The following KLC4 variants were observed in gnomAD, a reference collection of about 807,000 sequenced individuals.
KLC4 encodes kinesin-like protein 8.
Under a neutral mutation model 77.2 loss-of-function variants are expected in KLC4, and 49 were observed. The ratio of observed to expected loss-of-function variants is 0.63; its 90% CI spans 0.50 to 0.80. The LOEUF is 0.80. Ranked by LOEUF, KLC4 falls within the 30% of genes least tolerant of loss-of-function variation. The pLI is 0.00. For missense variants in KLC4, 669 were observed against 793.5 expected (o/e 0.84, Z 1.89); for synonymous variants, 274 against 314.5 (o/e 0.87, Z 1.36).
chr6:43,073,185 G>T, intron 13 of KLC4, 38 bp from the exon 14 acceptor site: 2 of 1,549,992 alleles, frequency 1.3e-6, no homozygotes, highest in South Asian at 2.2e-5. Context: ...ATCTGTGTGG[G>T]ATCCTTGTAG....
rs753726369 is a variant in KLC4, at chr6:43,072,214, GCTGAGA to G, written c.1449_1454del (p.Glu484_Thr485del). 3 of 1,614,020 alleles carry G rather than the reference GCTGAGA, an allele frequency of 1.9e-6. No individual in the cohort carries two copies. Among genetic ancestry groups the G allele is most frequent in the Admixed American group, 3.3e-5 (2 of 60,004 alleles). On this transcript the variant is annotated inframe_deletion, in exon 12 of 16. Transcript: ENST00000347162. The stretch of plus-strand genomic sequence containing the variant: ...TAGGCGCCAGGGAAAGCTGGAGGCT[GCTGAGA>G]CCCTGGAGGAATGTGCCCTGCGGTC...
chr6:43,065,839 C>T lies in KLC4; in HGVS notation c.571+138C>T, dbSNP rs1453197702. The T allele has an allele frequency of 1.6e-6, 1 of 634,942 alleles. No homozygotes were observed. Among genetic ancestry groups the T allele is most frequent in the African/African-American group, 1.8e-5 (1 of 54,732 alleles). 39.3% of individuals were successfully genotyped at this position (634,942 alleles called of 1,614,324 possible). On this transcript the variant is annotated intron_variant, in intron 4 of 15. Transcript: ENST00000347162. ...CTCTGGAGACAGGGCAGGGGCTGGGCTAGTACTTCGATTTCCTCAGCCTCC... is the reference window on the plus strand; with the variant it reads ...CTCTGGAGACAGGGCAGGGGCTGGGTTAGTACTTCGATTTCCTCAGCCTCC...
At chr6:43,070,905 G>A (rs115400018) in intron 8 of KLC4, 40 bp downstream of exon 8, 3 of 783,024 alleles carry the variant, frequency 3.8e-6, no homozygotes, top group South Asian at 3.4e-5. Flanking sequence ...GAAACGGAGA[G>A]GGGGGCACAG....
intron 4 of KLC4, 99 bp downstream of exon 4, chr6:43,065,800 A>G: frequency 1.3e-6 from 1 of 792,440 alleles, no homozygotes; most frequent in Non-Finnish European, 2.1e-6. Context: ...ATCTAGAAAT[A>G]GGTTCTCCAC....
At chr6:43,069,734 G>T (rs932729773) in intron 6 of KLC4, among the ~76,000 whole-genome samples, 1 of 152,032 alleles carries the variant, frequency 6.6e-6, no homozygotes, top group Non-Finnish European at 1.5e-5. Flanking sequence ...TTTTAGTAGA[G>T]ACGGGGTTTC....
intron 6 of KLC4, among the ~76,000 whole-genome samples, chr6:43,068,827 G>A (rs1765588082): frequency 6.6e-6 from 1 of 151,268 alleles, no homozygotes; most frequent in African/African-American, 2.4e-5. Flanking sequence ...ATAAGAAGCG[G>A]CCCAGCGCTG....
intron 3 of KLC4, chr6:43,065,305 C>A (rs557460171): frequency 1.2e-3 from 290 of 246,248 alleles, no homozygotes; most frequent in Non-Finnish European, 1.9e-3. Flanking sequence ...AACTCCTGAC[C>A]TCAGGTGATC....
rs935016302 is a variant in KLC4, at chr6:43,071,882, G to A, written c.1339G>A (p.Ala447Thr). Residue 447 changes from alanine to threonine, a missense_variant, in exon 11 of 16, where the codon GCT (alanine) becomes ACT (threonine). Ala to Thr is a moderately conservative substitution (Grantham distance 58, BLOSUM62 0). Transcript: ENST00000347162. ...SRHHEGGTPY[A>T]EYGGWYKACK... ...GCACCATGAGGGTGGGACACCCTATGCTGAGTATGGAGGCTGGTACAAGGC... is the reference window on the plus strand; with the variant it reads ...GCACCATGAGGGTGGGACACCCTATACTGAGTATGGAGGCTGGTACAAGGC... 1.2e-6 allele frequency: 2 copies of A among 1,612,450 alleles called. No homozygotes were observed. Among genetic ancestry groups the A allele is most frequent in the Non-Finnish European group, 1.7e-6 (2 of 1,179,754 alleles).
chr6:43,074,601 GGGT>G lies in KLC4; in HGVS notation c.1810-20_1810-18del. 6.2e-7 allele frequency: 1 copy of G among 1,612,956 alleles called. No individual in the cohort carries two copies. The highest frequency in any genetic ancestry group is 2.2e-5 in the East Asian group (1 of 44,872). On this transcript the variant is annotated intron_variant, in intron 15 of 15. Transcript: ENST00000347162. ...GGAGGCCGAGGTCCCTGAGCTGATG[GGGT>G]AGTGTTGTCTGTTTCAGGTCTCCCG...
intron 12 of KLC4, among the ~76,000 whole-genome samples, 168 bp downstream of exon 12, chr6:43,072,423 T>C (rs1765778434): frequency 6.6e-6 from 1 of 152,170 alleles, no homozygotes; most frequent in Non-Finnish European, 1.5e-5. Context: ...AGCATGTTCT[T>C]ACCCCCCACC....
At chr6:43,067,655 C>T (rs1159226446) in intron 6 of KLC4, among the ~76,000 whole-genome samples, 3 of 150,598 alleles carry the variant, frequency 2.0e-5, no homozygotes, top group South Asian at 2.1e-4. Context: ...AAATGCCGGG[C>T]GTGGTGGCGG....
At chr6:43,060,447 C>G (rs1375003149) in intron 1 of KLC4, 2 of 1,432,618 alleles carry the variant, frequency 1.4e-6, no homozygotes, top group African/African-American at 2.8e-5. Context: ...GGGCTCTGGG[C>G]CAGGTCCTCT....
At chr6:43,060,790 C>A (rs1302207898) in intron 1 of KLC4, among the ~76,000 whole-genome samples, 1 of 152,138 alleles carries the variant, frequency 6.6e-6, no homozygotes, top group African/African-American at 2.4e-5. Context: ...TTTCTGGGAC[C>A]CTGTAATGTG....
chr6:43,067,884 G>A lies in KLC4; in HGVS notation c.879+801G>A, dbSNP rs1422163986. ...TCCCAGCACTTTGGGAGGCCGAGGC[G>A]GGCGGATCACGAGGTCAGGAGATCG... On this transcript the variant is annotated intron_variant, in intron 6 of 15. Coordinates refer to ENST00000347162, the MANE Select transcript of KLC4 (RefSeq NM_201521.3). Among the ~76,000 whole-genome samples the A allele has an allele frequency of 1.1e-4, 13 of 121,248 alleles. 3 individuals are homozygous for A. Among genetic ancestry groups the A allele is most frequent in the Non-Finnish European group, 1.4e-4 (9 of 63,108 alleles). The allele number at this position is 121,248 out of a possible 152,430, so 79.5% of individuals were successfully genotyped here.
chr6:43,061,312 C>T lies in KLC4; in HGVS notation c.-24C>T, dbSNP rs1581997305. 1 of 1,611,614 alleles carries T rather than the reference C, an allele frequency of 6.2e-7. No individual in the cohort carries two copies. The highest frequency in any genetic ancestry group is 8.5e-7 in the Non-Finnish European group (1 of 1,179,010). The stretch of plus-strand genomic sequence containing the variant: ...CTGAACTCTGTTGTTTCTCCCTAGA[C>T]CGGGCAAGGTCCCCCAGGCCAGGAT... On this transcript the variant is annotated splice_region_variant and 5_prime_UTR_variant, in exon 2 of 16. Transcript: ENST00000347162.
In KLC4 at chr6:43,070,435, G is replaced by A; in HGVS notation, c.961G>A (p.Ala321Thr). ...YKEAEPLCQR[A>T]LEIREKVLGT... ...GGAGGCAGAGCCTCTGTGCCAGCGGGCACTGGAGATTCGAGAAAAGGTACC... is the reference window on the plus strand; with the variant it reads ...GGAGGCAGAGCCTCTGTGCCAGCGGACACTGGAGATTCGAGAAAAGGTACC... Residue 321 changes from alanine to threonine, a missense_variant, in exon 7 of 16, where the codon GCA (alanine) becomes ACA (threonine). Transcript: ENST00000347162. 1 of 1,613,742 alleles carries A rather than the reference G, an allele frequency of 6.2e-7. No homozygotes were observed. Among genetic ancestry groups the A allele is most frequent in the Non-Finnish European group, 8.5e-7 (1 of 1,179,620 alleles).
At position 43,061,443 on chromosome 6, in the gene KLC4, A is replaced by G. The variant is rs761472407; in HGVS notation, c.108A>G (p.Leu36=). ...TGGTCAGCCAAGGGCTAGAGGCCCT[A>G]CGCAGTGAACACCAGGCCGTGCTGC... ...TRLVSQGLEA[L]RSEHQAVLQS... The change falls in exon 2 of 16, where the codon CTA becomes CTG. Residue 36 remains leucine (L), a synonymous_variant. Coordinates refer to ENST00000347162, the MANE Select transcript of KLC4 (RefSeq NM_201521.3). The G allele has an allele frequency of 6.2e-7, 1 of 1,614,216 alleles. No individual in the cohort carries two copies. The highest frequency in any genetic ancestry group is 8.5e-7 in the Non-Finnish European group (1 of 1,180,032).
At chr6:43,060,132 TC>T (rs1765065277) in intron 1 of KLC4, 1 of 1,591,676 alleles carries the variant, frequency 6.3e-7, no homozygotes, top group Non-Finnish European at 8.6e-7. Context: ...CTTTCCTGCA[TC>T]ATCGGGCATT....
chr6:43,067,239 G>T, intron 6 of KLC4, 156 bp downstream of exon 6: 1 of 1,338,152 alleles, frequency 7.5e-7, no homozygotes, highest in Non-Finnish European at 9.7e-7. Flanking sequence ...ACTGTCCAGT[G>T]ATCCTAATGA....
Sources: gnomAD v4.1 joint callset for allele counts (sites outside exome capture counted in the v4.1 genomes callset) on GRCh38, gnomAD v4.1.1 for gene constraint, MANE v1.5 for transcripts, NCBI Gene and HGNC (gene_info 2026-07-23, HGNC 2026-07-21) for gene names.